Variants in CEP83 observed in about 807,000 individuals in gnomAD.
CEP83 encodes centrosomal protein of 83 kDa.
A neutral mutation model predicts 101.9 loss-of-function variants in CEP83; 70 were observed. That is an observed-to-expected ratio of 0.69 (90% CI 0.57 to 0.84). CEP83 has a LOEUF of 0.84. CEP83 is among the 40% of genes least tolerant of loss of function. The pLI, the probability that CEP83 is intolerant of heterozygous loss-of-function variation, is 0.00. For missense variants in CEP83, 715 were observed against 787.2 expected, an observed-to-expected ratio of 0.91 and a Z score of 1.10; for synonymous variants, 264 against 267.9, an observed-to-expected ratio of 0.99 and a Z score of 0.14.
chr12:94,285,935 C>T, the CEP83 span, among the ~76,000 whole-genome samples: 7 of 152,086 alleles, frequency 4.6e-5, no homozygotes, highest in Admixed American at 2.0e-4. Context: ...TGGGGTGGGC[C>T]GCAGAGGCAG....
chr12:94,347,938 T>C (rs752330406), intron 11 of CEP83, among the ~76,000 whole-genome samples: 22 of 152,088 alleles, frequency 1.4e-4, no homozygotes, highest in South Asian at 2.1e-4. Context: ...AATAAAACTA[T>C]AGAAACTTTT....
the CEP83 span, among the ~76,000 whole-genome samples, chr12:94,274,618 A>G: frequency 6.6e-6 from 1 of 152,238 alleles, no homozygotes; most frequent in Admixed American, 6.5e-5. Flanking sequence ...GGAAGGGACC[A>G]GTGTACATTT....
At chr12:94,274,123 C>T in the CEP83 span, among the ~76,000 whole-genome samples, 1 of 121,256 alleles carries the variant, frequency 8.2e-6, no homozygotes, top group South Asian at 2.7e-4. Flanking sequence ...GAGTTCAAGA[C>T]TAGCCTGGGC....
Position 94,331,492 on chromosome 12 carries a change from G to A in CEP83, c.1707+208C>T, listed in dbSNP as rs542533915. ...TGCCATTCTCCTGTCTCAGCCTCCC[G>A]AGTAGCTGGGGCTACAGGCGCCCGC... On this transcript the variant is annotated intron_variant, in intron 14 of 16. Transcript: ENST00000397809. Among the ~76,000 whole-genome samples the A allele has an allele frequency of 1.4e-3, 202 of 146,424 alleles. 3 individuals carry two copies. The highest frequency in any genetic ancestry group is 3.9e-3 in the African/African-American group (157 of 39,782).
At chr12:94,443,744 C>T (rs1424660130) in intron 1 of CEP83, among the ~76,000 whole-genome samples, 1 of 152,106 alleles carries the variant, frequency 6.6e-6, no homozygotes, top group Non-Finnish European at 1.5e-5. Context: ...ACCTTGGCCT[C>T]GCAAAGTGCT....
At chr12:94,370,153 C>G in intron 8 of CEP83, 117 bp from the exon 9 acceptor site, 1 of 628,102 alleles carries the variant, frequency 1.6e-6, no homozygotes, top group East Asian at 2.6e-5. Flanking sequence ...GTCTAAGTAT[C>G]TTCCAAGAAG....
chr12:94,280,358 T>C, the CEP83 span, among the ~76,000 whole-genome samples: 2 of 152,204 alleles, frequency 1.3e-5, no homozygotes, highest in South Asian at 2.1e-4. Flanking sequence ...AATAGAATCA[T>C]GGTGGTGACA....
At chr12:94,419,779 A>G (rs2064574834) in intron 2 of CEP83, among the ~76,000 whole-genome samples, 1 of 152,164 alleles carries the variant, frequency 6.6e-6, no homozygotes, top group African/African-American at 2.4e-5. Context: ...CACTGGGACA[A>G]CTAGATAACC....
At chr12:94,388,636 A>G (rs2062314172) in intron 6 of CEP83, among the ~76,000 whole-genome samples, 1 of 152,252 alleles carries the variant, frequency 6.6e-6, no homozygotes, top group Non-Finnish European at 1.5e-5. Context: ...TAAGTAGAAT[A>G]AAGTATTACA....
At chr12:94,278,068 C>G in the CEP83 span, 1 of 455,964 alleles carries the variant, frequency 2.2e-6, no homozygotes, top group African/African-American at 2.0e-5. Context: ...CCCCCTCCCT[C>G]TGTCTCTGTA....
the CEP83 span, among the ~76,000 whole-genome samples, chr12:94,287,688 TAGGAATGCCCCAA>T: frequency 6.6e-6 from 1 of 152,172 alleles, no homozygotes; most frequent in Non-Finnish European, 1.5e-5. Flanking sequence ...TTAAAGCTCA[TAGGAATGCCCCAA>T]AGGGTCTGTT....
intron 14 of CEP83, among the ~76,000 whole-genome samples, chr12:94,330,025 A>G (rs1188392602): frequency 6.6e-6 from 1 of 152,184 alleles, no homozygotes; most frequent in Non-Finnish European, 1.5e-5. Flanking sequence ...CCAATTACAT[A>G]AAAAGGGGTC....
intron 6 of CEP83, among the ~76,000 whole-genome samples, chr12:94,379,595 G>C (rs912644601): frequency 6.6e-6 from 1 of 152,132 alleles, no homozygotes; most frequent in Admixed American, 6.6e-5. Flanking sequence ...TTAGTTCTTA[G>C]ATTCAAGAAG....
At chr12:94,333,701 G>T in intron 12 of CEP83, 62 bp from the exon 13 acceptor site, 1 of 1,514,996 alleles carries the variant, frequency 6.6e-7, no homozygotes. Context: ...AGGTATGAGA[G>T]AAGCAGAAGA....
intron 11 of CEP83, among the ~76,000 whole-genome samples, chr12:94,353,148 T>C (rs929232508): frequency 5.3e-5 from 8 of 152,158 alleles, no homozygotes; most frequent in African/African-American, 1.9e-4. Flanking sequence ...AAACAGCAGA[T>C]TTCTCAAGAG....
intron 8 of CEP83, among the ~76,000 whole-genome samples, chr12:94,374,512 A>G (rs1003053464): frequency 2.0e-4 from 31 of 152,178 alleles, no homozygotes; most frequent in Non-Finnish European, 2.9e-4. Context: ...ATTTTTTTGT[A>G]TACTCTATAG....
intron 15 of CEP83, chr12:94,312,584 G>C (rs1970034448): frequency 1.0e-6 from 1 of 985,276 alleles, no homozygotes; most frequent in Admixed American, 6.2e-5. Context: ...TTGATTCAAA[G>C]TTGTAGGCAC....
chr12:94,318,848 G>A (rs1052069179), intron 14 of CEP83, among the ~76,000 whole-genome samples: 5 of 152,086 alleles, frequency 3.3e-5, no homozygotes, highest in Admixed American at 2.0e-4. Flanking sequence ...ATCAATATTC[G>A]TCAAAGATAT....
At chr12:94,449,966 T>G (rs80136609) in intron 1 of CEP83, among the ~76,000 whole-genome samples, 1 of 152,026 alleles carries the variant, frequency 6.6e-6, no homozygotes, top group South Asian at 2.1e-4. Context: ...CCACTCATGA[T>G]TAAAAACTTG....
Sources: gnomAD v4.1 joint callset for allele counts (sites outside exome capture counted in the v4.1 genomes callset) on GRCh38, gnomAD v4.1.1 for gene constraint, MANE v1.5 for transcripts, NCBI Gene and HGNC (gene_info 2026-07-23, HGNC 2026-07-21) for gene names.